The following NOS2 variants were observed in gnomAD, a reference collection of about 807,000 sequenced individuals.
NOS2 encodes the protein nitric oxide synthase 2.
In NOS2, 96 loss-of-function variants were observed where a neutral mutation model predicts 136.0. The observed-to-expected ratio is 0.71, with a 90% CI of 0.60 to 0.84. The LOEUF (loss-of-function observed/expected upper bound fraction) is 0.84. Ranked by LOEUF, NOS2 falls within the 40% of genes least tolerant of loss-of-function variation. The probability of loss-of-function intolerance (pLI) is 0.00; values close to 1 mark genes in which losing one functional copy is unlikely to be tolerated. For missense variants in NOS2, 1,237 were observed against 1,496.9 expected, an observed-to-expected ratio of 0.83 and a Z score of 2.87; for synonymous variants, 539 against 587.5, an observed-to-expected ratio of 0.92 and a Z score of 1.20.
intron 4 of NOS2, among the ~76,000 whole-genome samples, chr17:27,788,536 T>C (rs543217663): frequency 1.3e-5 from 2 of 152,318 alleles, no homozygotes; most frequent in East Asian, 3.9e-4. Context: ...TCCCTGACAT[T>C]ATCCTGAAAT....
chr17:27,787,844 G>A lies in NOS2; in HGVS notation c.319-18C>T, dbSNP rs1909067284. ...GTTAAAATCTGGAAAGAGAGAGGCAGGTGGTGAGGGTGGGCCATTCGGCCT... is the reference window on the plus strand; with the variant it reads ...GTTAAAATCTGGAAAGAGAGAGGCAAGTGGTGAGGGTGGGCCATTCGGCCT... On this transcript the variant is annotated intron_variant, in intron 4 of 26. Transcript: ENST00000313735. 4 of 1,600,032 alleles carry A rather than the reference G, an allele frequency of 2.5e-6. No homozygotes were observed. The South Asian group carries it at 3.4e-5, about 14-fold the overall frequency.
chr17:27,765,784 C>T lies in NOS2; in HGVS notation c.2247-68G>A, dbSNP rs1567634284. The T allele has an allele frequency of 2.4e-5, 35 of 1,455,044 alleles. No individual in the cohort carries two copies. In the South Asian group the frequency reaches 2.7e-4, roughly 11 times the overall value. 90.1% of individuals were successfully genotyped at this position (1,455,044 alleles called of 1,614,324 possible). On this transcript the variant is annotated intron_variant, in intron 19 of 26. Coordinates refer to ENST00000313735, the MANE Select transcript of NOS2 (RefSeq NM_000625.4). ...CCTCCAGGGCTCCTTGATGGGCAGG[C>T]GAGATTCCCCAGGAAATGTGCCCTC...
In NOS2 at chr17:27,760,932, G is replaced by A. The variant is rs1026063627; in HGVS notation, c.2889-188C>T. 1.6e-4 allele frequency among the ~76,000 whole-genome samples: 24 copies of A among 152,102 alleles called. 1 individual carries two copies. The highest frequency in any genetic ancestry group is 7.4e-5 in the Non-Finnish European group (5 of 68,000). On this transcript the variant is annotated intron_variant, in intron 23 of 26. Transcript: ENST00000313735. ...GTCCAGGCACCAGCACCTCCCCCAG[G>A]TCCTTCTGTAAAAGGGCCAAGCTCA...
Position 27,789,487 on chromosome 17 carries a change from C to T in NOS2, c.195+117G>A. On this transcript the variant is annotated intron_variant, in intron 3 of 26. Coordinates refer to ENST00000313735, the MANE Select transcript of NOS2 (RefSeq NM_000625.4). ...AACACCCCGGGTCTGGGACTCTCCACTCTCCATCCAAACCCTGGCTTCCTG... is the reference window on the plus strand; with the variant it reads ...AACACCCCGGGTCTGGGACTCTCCATTCTCCATCCAAACCCTGGCTTCCTG... The T allele has an allele frequency of 5.1e-6, 4 of 790,462 alleles. No homozygotes were observed. The Admixed American group carries it at 5.6e-5, about 11-fold the overall frequency. The allele number at this position is 790,462 out of a possible 1,614,324, so 49.0% of individuals were successfully genotyped here.
At chr17:27,797,130 C>T (rs1214893557) in intron 2 of NOS2, among the ~76,000 whole-genome samples, 4 of 152,228 alleles carry the variant, frequency 2.6e-5, no homozygotes, top group Non-Finnish European at 5.9e-5. Context: ...AGCCTCTGCT[C>T]ACCTCTCCCC....
At chr17:27,766,305 A>G (rs1908300089) in intron 19 of NOS2, among the ~76,000 whole-genome samples, 1 of 152,206 alleles carries the variant, frequency 6.6e-6, no homozygotes, top group Non-Finnish European at 1.5e-5. Flanking sequence ...CCAAGCTGGA[A>G]AAGTGGCTCG....
intron 1 of NOS2, 107 bp from the exon 2 acceptor site, chr17:27,798,989 C>T (rs113925394): frequency 1.2e-5 from 7 of 596,744 alleles, no homozygotes; most frequent in African/African-American, 9.3e-5. Flanking sequence ...CCAGCATGAG[C>T]CCCTTCATCA....
intron 26 of NOS2, among the ~76,000 whole-genome samples, chr17:27,757,613 A>G (rs1044913334): frequency 6.6e-5 from 10 of 152,200 alleles, no homozygotes; most frequent in South Asian, 2.1e-4. Context: ...TACTCCAGGA[A>G]GTGTGAGCTC....
chr17:27,788,180 A>G (rs1460098661), intron 4 of NOS2, among the ~76,000 whole-genome samples: 1 of 135,504 alleles, frequency 7.4e-6, no homozygotes, highest in African/African-American at 2.9e-5. Flanking sequence ...AATGAGACAT[A>G]GGAAGGCACA....
intron 1 of NOS2, 129 bp from the exon 2 acceptor site, chr17:27,799,011 CCT>C: frequency 3.4e-6 from 2 of 588,008 alleles, no homozygotes; most frequent in South Asian, 2.2e-5. Flanking sequence ...TGCTTTGCAA[CCT>C]CTGTCTCTAT....
intron 2 of NOS2, among the ~76,000 whole-genome samples, 182 bp downstream of exon 2, chr17:27,798,518 A>G (rs937661252): frequency 2.6e-5 from 4 of 152,194 alleles, no homozygotes; most frequent in African/African-American, 9.6e-5. Context: ...ACCGTCAGGC[A>G]CAGCGAGGTG....
chr17:27,760,648 T>C lies in NOS2; in HGVS notation c.2985A>G (p.Gln995=), dbSNP rs140597391. The C allele has an allele frequency of 1.3e-6, 2 of 1,553,598 alleles. No homozygotes were observed. Among genetic ancestry groups the C allele is most frequent in the African/African-American group, 1.4e-5 (1 of 73,214 alleles). Residue 995 remains glutamine (Q), a synonymous_variant, in exon 24 of 27, where the codon CAA becomes CAG. Coordinates refer to ENST00000313735, the MANE Select transcript of NOS2 (RefSeq NM_000625.4). ...GIAPFRSFWQ[Q]RLHDSQHKGV... ...CCTTGTGCTGGGAGTCATGGAGCCG[T>C]TGCTGCCAGAAACTGCGGAAGGGCG...
intron 12 of NOS2, 114 bp from the exon 13 acceptor site, chr17:27,773,357 C>G (rs1268657328): frequency 1.4e-6 from 1 of 732,658 alleles, no homozygotes; most frequent in Non-Finnish European, 2.3e-6. Context: ...GGAGAGAAGG[C>G]TGGCCTGCGC....
chr17:27,799,173 G>T (rs906725862), intron 1 of NOS2, among the ~76,000 whole-genome samples: 2 of 152,168 alleles, frequency 1.3e-5, no homozygotes, highest in African/African-American at 4.8e-5. Context: ...AGCGGGACCT[G>T]CTGGCCCACC....
intron 24 of NOS2, 90 bp from the exon 25 acceptor site, chr17:27,760,268 T>C: frequency 1.5e-6 from 2 of 1,328,128 alleles, no homozygotes; most frequent in East Asian, 4.9e-5. Context: ...TCACTCCCAC[T>C]AGCTATTTAA....
At chr17:27,792,490 C>T (rs965264070) in intron 2 of NOS2, among the ~76,000 whole-genome samples, 1 of 152,138 alleles carries the variant, frequency 6.6e-6, no homozygotes, top group Non-Finnish European at 1.5e-5. Flanking sequence ...AAGTCCCCTC[C>T]CACACCATTT....
At position 27,762,852 on chromosome 17, in the gene NOS2, G is replaced by C. The variant is rs1429464419; in HGVS notation, c.2746C>G (p.His916Asp). 12 of 1,569,032 alleles carry C rather than the reference G, an allele frequency of 7.6e-6. No homozygotes were observed. Among genetic ancestry groups the C allele is most frequent in the Non-Finnish European group, 1.0e-5 (12 of 1,157,554 alleles). Reference protein sequence around the residue: ...RFYSISSSRDHTPTEIHLTVA... With the variant: ...RFYSISSSRDDTPTEIHLTVA... Reference sequence around the variant, plus strand: ...GTCAGGTGGATCTCTGTGGGCGTGTGATCCCGGGAGGAGCTGATGGAGTAG... The same window carrying C: ...GTCAGGTGGATCTCTGTGGGCGTGTCATCCCGGGAGGAGCTGATGGAGTAG... Residue 916 changes from histidine to aspartate, a missense_variant, in exon 22 of 27, where the codon CAC becomes GAC. His to Asp is a moderately conservative substitution (Grantham distance 81, BLOSUM62 -1). Coordinates refer to ENST00000313735, the MANE Select transcript of NOS2 (RefSeq NM_000625.4).
intron 5 of NOS2, among the ~76,000 whole-genome samples, chr17:27,784,301 T>G (rs1196730235): frequency 6.6e-6 from 1 of 152,226 alleles, no homozygotes; most frequent in East Asian, 1.9e-4. Context: ...TTTCTGTGGA[T>G]GAAGAGTGTC....
At chr17:27,786,063 T>G (rs1480979208) in intron 5 of NOS2, among the ~76,000 whole-genome samples, 1 of 151,134 alleles carries the variant, frequency 6.6e-6, no homozygotes, top group Non-Finnish European at 1.5e-5. Flanking sequence ...GTGGCTCACT[T>G]TGTGTGGTGC....
Sources: allele counts gnomAD v4.1 joint callset (sites outside exome capture counted in the v4.1 genomes callset), GRCh38; gene constraint gnomAD v4.1.1; transcripts MANE v1.5; gene names NCBI Gene and HGNC (gene_info 2026-07-23, HGNC 2026-07-21).